The following KLHL29 variants were observed in gnomAD, a reference collection of about 807,000 sequenced individuals.
KLHL29 encodes the protein kelch-like protein 29.
Under a neutral mutation model 80.4 loss-of-function variants are expected in KLHL29, and 21 were observed. The observed-to-expected ratio is 0.26, with a 90% CI of 0.19 to 0.38. The LOEUF (loss-of-function observed/expected upper bound fraction) is 0.38, where lower values mean the gene tolerates loss of function less well. Among genes scored for constraint, KLHL29 ranks in the 10% least tolerant of loss-of-function variants. The pLI is 1.00. For synonymous variants in KLHL29, 511 were observed against 526.8 expected (o/e 0.97, Z 0.41); for missense variants, 867 against 1,223.9 (o/e 0.71, Z 4.35).
intron 5 of KLHL29, among the ~76,000 whole-genome samples, chr2:23,666,435 G>A (rs939244343): frequency 9.9e-5 from 15 of 152,088 alleles, no homozygotes; most frequent in African/African-American, 2.7e-4. Flanking sequence ...TATAGTGTGC[G>A]GTGACCTGTG....
chr2:23,569,481 C>CT (rs1667665218), intron 3 of KLHL29, among the ~76,000 whole-genome samples: 1 of 152,172 alleles, frequency 6.6e-6, no homozygotes, highest in Non-Finnish European at 1.5e-5. Context: ...TAATGGTTTT[C>CT]CCTGTTTCGT....
chr2:23,644,583 G>T (rs1294872772), intron 5 of KLHL29, among the ~76,000 whole-genome samples: 6 of 152,252 alleles, frequency 3.9e-5, no homozygotes, highest in African/African-American at 1.4e-4. Context: ...CTGGGTGCAG[G>T]CAGCTAAACA....
At chr2:23,445,314 G>T (rs570972328) in intron 1 of KLHL29, among the ~76,000 whole-genome samples, 2 of 152,054 alleles carry the variant, frequency 1.3e-5, no homozygotes, top group African/African-American at 2.4e-5. Context: ...TAAAAGAAAA[G>T]ATTTCATACT....
rs1671025452 is a variant in KLHL29, at chr2:23,679,816, A to G, written c.941-4583A>G. ...GGAGGAAGAGGGGAAGGAGGCAAAG[A>G]GGCCCAGGACAAAATAACACTTTCC... On this transcript the variant is annotated intron_variant, in intron 5 of 13. Transcript: ENST00000486442. Among the ~76,000 whole-genome samples the G allele has an allele frequency of 2.0e-5, 3 of 152,310 alleles. No individual in the cohort carries two copies. In the South Asian group the frequency reaches 6.2e-4, roughly 32 times the overall value.
chr2:23,659,361 C>G (rs1372898065), intron 5 of KLHL29, among the ~76,000 whole-genome samples: 2 of 152,194 alleles, frequency 1.3e-5, no homozygotes. Flanking sequence ...CCTCCGTTTA[C>G]AGAGGAGGAA....
chr2:23,646,926 C>G (rs114660579), intron 5 of KLHL29, among the ~76,000 whole-genome samples: 1 of 152,176 alleles, frequency 6.6e-6, no homozygotes, highest in Non-Finnish European at 1.5e-5. Flanking sequence ...CGGACATGTC[C>G]GTACATAGCA....
At position 23,596,077 on chromosome 2, in the gene KLHL29, G is replaced by A. The variant is rs1029618001; in HGVS notation, c.285+33596G>A. On this transcript the variant is annotated intron_variant, in intron 3 of 13. Coordinates refer to ENST00000486442, the MANE Select transcript of KLHL29 (RefSeq NM_052920.2). The surrounding 1 kb of genome is among the most constrained non-coding windows in gnomAD (Gnocchi z 4.4). ...TGCCAGCATAGCCTCTGGAATGCACGGCCTGCTTGGGGTTGCCATGGAGAA... is the reference window on the plus strand; with the variant it reads ...TGCCAGCATAGCCTCTGGAATGCACAGCCTGCTTGGGGTTGCCATGGAGAA... Among the ~76,000 whole-genome samples the A allele has an allele frequency of 6.6e-6, 1 of 152,152 alleles. No homozygotes were observed. Among genetic ancestry groups the A allele is most frequent in the African/African-American group, 2.4e-5 (1 of 41,428 alleles).
intron 5 of KLHL29, among the ~76,000 whole-genome samples, chr2:23,663,957 A>C (rs1305157252): frequency 6.6e-6 from 1 of 152,158 alleles, no homozygotes; most frequent in Non-Finnish European, 1.5e-5. Flanking sequence ...CCTGGTTAAA[A>C]CTTGGAACAT....
intron 2 of KLHL29, among the ~76,000 whole-genome samples, chr2:23,533,966 A>G (rs1666583585): frequency 6.7e-6 from 1 of 149,652 alleles, no homozygotes; most frequent in South Asian, 2.1e-4. Context: ...CGTGTGCGCT[A>G]TGAGGTGTTT....
At chr2:23,385,830 AC>A (rs983561516) in intron 1 of KLHL29, 50 bp downstream of exon 1, 2 of 149,878 alleles carry the variant, frequency 1.3e-5, no homozygotes, top group African/African-American at 4.9e-5. Context: ...CCGGAGGGAG[AC>A]CCAGGTCCTG....
chr2:23,602,701 A>G (rs1169995282), intron 3 of KLHL29, among the ~76,000 whole-genome samples: 3 of 148,888 alleles, frequency 2.0e-5, no homozygotes, highest in Non-Finnish European at 4.4e-5. Flanking sequence ...CAGTCTACCC[A>G]TCTCAGCCTC....
chr2:23,642,543 T>C lies in KLHL29; in HGVS notation c.633T>C (p.Ser211=). The part of the protein sequence containing the change: ...PGHYSLPQPP[S]QPLSSVVVNM... ...ACTACTCGCTCCCTCAGCCGCCCTC[T>C]CAGCCACTGAGCAGCGTGGTGGTCA... Residue 211 remains serine, a synonymous_variant, in exon 5 of 14, where the codon TCT becomes TCC. Transcript: ENST00000486442. The C allele has an allele frequency of 6.5e-7, 1 of 1,541,300 alleles. No individual in the cohort carries two copies. Among genetic ancestry groups the C allele is most frequent in the East Asian group, 2.5e-5 (1 of 40,530 alleles).
intron 1 of KLHL29, among the ~76,000 whole-genome samples, chr2:23,409,046 C>G (rs756022588): frequency 2.0e-5 from 3 of 152,104 alleles, no homozygotes; most frequent in Non-Finnish European, 2.9e-5. Context: ...TCTGGACACA[C>G]GTTCCCAGAC....
chr2:23,448,290 C>G (rs906513818), intron 1 of KLHL29, among the ~76,000 whole-genome samples: 1 of 152,146 alleles, frequency 6.6e-6, no homozygotes, highest in Non-Finnish European at 1.5e-5. Context: ...ATTTGAAACA[C>G]TTTCCTTATT....
intron 2 of KLHL29, among the ~76,000 whole-genome samples, chr2:23,543,576 T>G (rs1281531372): frequency 6.6e-6 from 1 of 152,172 alleles, no homozygotes; most frequent in Non-Finnish European, 1.5e-5. Flanking sequence ...ATTTCCGTGT[T>G]TCCTTGCAGT....
At chr2:23,693,816 G>C (rs1671773623) in intron 8 of KLHL29, among the ~76,000 whole-genome samples, 1 of 152,234 alleles carries the variant, frequency 6.6e-6, no homozygotes, top group African/African-American at 2.4e-5. Context: ...CAGGAACACG[G>C]ACCCAGCTGG....
intron 5 of KLHL29, chr2:23,667,970 G>T (rs1249288155): frequency 2.0e-5 from 3 of 152,402 alleles, no homozygotes; most frequent in Non-Finnish European, 4.4e-5. Context: ...GCCGAGGGAA[G>T]AAGAACACTG....
intron 3 of KLHL29, chr2:23,616,364 G>C (rs1469639849): frequency 6.6e-6 from 1 of 152,100 alleles, no homozygotes; most frequent in East Asian, 1.9e-4. Context: ...TTAAATTGGG[G>C]GAGCCAGGGA....
intron 2 of KLHL29, among the ~76,000 whole-genome samples, chr2:23,510,929 A>C (rs1665753576): frequency 6.6e-6 from 1 of 152,242 alleles, no homozygotes; most frequent in East Asian, 1.9e-4. Context: ...AGTTTGGCCA[A>C]TATGAGTTTG....
Sources: gnomAD v4.1 joint callset for allele counts (sites outside exome capture counted in the v4.1 genomes callset) on GRCh38, gnomAD v4.1.1 for gene constraint, Gnocchi (gnomAD v3.1) non-coding constraint, MANE v1.5 for transcripts, NCBI Gene and HGNC (gene_info 2026-07-23, HGNC 2026-07-21) for gene names.